ADCY9: variants seen among roughly 807,000 people sequenced by gnomAD.
The protein encoded by ADCY9 is adenylate cyclase 9, also known as adenylate cyclase type 9.
ADCY9 carries 50 observed loss-of-function variants against 101.5 expected under a neutral mutation model. The ratio of observed to expected loss-of-function variants is 0.49; its 90% CI spans 0.39 to 0.62. The LOEUF (loss-of-function observed/expected upper bound fraction) is 0.62. ADCY9 is among the 20% of genes least tolerant of loss of function. The pLI, the probability that ADCY9 is intolerant of heterozygous loss-of-function variation, is 0.00. For missense variants in ADCY9, 1,662 were observed against 1,800.4 expected, an observed-to-expected ratio of 0.92 and a Z score of 1.39; for synonymous variants, 905 against 769.3, an observed-to-expected ratio of 1.18 and a Z score of -2.92.
chr16:4,013,971 A>G (rs2056420757), intron 2 of ADCY9, among the ~76,000 whole-genome samples: 1 of 152,198 alleles, frequency 6.6e-6, no homozygotes, highest in African/African-American at 2.4e-5. Context: ...TTGATGATAA[A>G]TCTCAAGTTC....
Position 3,965,482 on chromosome 16 carries a change from G to T in ADCY9, c.*293C>A, listed in dbSNP as rs554167806. Reference sequence around the variant, plus strand: ...ACCCAAAGCCATGATCTCCACTGGCGGCCTCTGTCCCGAGACTCGAGGCCG... The same window carrying T: ...ACCCAAAGCCATGATCTCCACTGGCTGCCTCTGTCCCGAGACTCGAGGCCG... On this transcript the variant is annotated 3_prime_UTR_variant, in exon 11 of 11. Transcript: ENST00000294016. 2 of 438,282 alleles carry T rather than the reference G, an allele frequency of 4.6e-6. No homozygotes were observed. The highest frequency in any genetic ancestry group is 4.6e-5 in the South Asian group (1 of 21,720). The allele number at this position is 438,282 out of a possible 1,614,324, so 27.1% of individuals were successfully genotyped here. A position where few individuals can be genotyped will look rare whatever the true frequency, so the allele number is the denominator to read the frequency against.
chr16:3,997,892 A>C (rs967258274), intron 3 of ADCY9, among the ~76,000 whole-genome samples: 2 of 151,614 alleles, frequency 1.3e-5, no homozygotes, highest in Admixed American at 1.3e-4. Context: ...TCAGGAGTTT[A>C]AGACCAGCCT....
intron 2 of ADCY9, among the ~76,000 whole-genome samples, chr16:4,015,065 G>C (rs866962876): frequency 6.9e-6 from 1 of 144,958 alleles, no homozygotes; most frequent in Non-Finnish European, 1.5e-5. Context: ...TCAGCCTCCC[G>C]AGCAGCTGGG....
intron 2 of ADCY9, among the ~76,000 whole-genome samples, chr16:4,024,049 G>A (rs375526940): frequency 1.3e-5 from 2 of 151,584 alleles, no homozygotes; most frequent in African/African-American, 2.4e-5. Flanking sequence ...TTGAGACTGA[G>A]TCTTGCTCTG....
At chr16:3,984,658 G>C (rs2056175245) in intron 6 of ADCY9, among the ~76,000 whole-genome samples, 1 of 152,226 alleles carries the variant, frequency 6.6e-6, no homozygotes, top group South Asian at 2.1e-4. Flanking sequence ...CTAGAGGAAG[G>C]TGTAGGATCC....
chr16:3,957,021 G>T (rs1324235697), intron 5 of ADCY9, among the ~76,000 whole-genome samples: 1 of 152,270 alleles, frequency 6.6e-6, no homozygotes, highest in Middle Eastern at 3.4e-3. Flanking sequence ...GGAGGGAGAA[G>T]GGGGAAAATA....
chr16:4,053,176 G>A (rs920209969), intron 2 of ADCY9, among the ~76,000 whole-genome samples: 1 of 152,112 alleles, frequency 6.6e-6, no homozygotes, highest in Non-Finnish European at 1.5e-5. Flanking sequence ...CGCATCACAC[G>A]CACATACACC....
At chr16:4,031,599 G>A (rs565901555) in intron 2 of ADCY9, among the ~76,000 whole-genome samples, 4 of 152,130 alleles carry the variant, frequency 2.6e-5, no homozygotes, top group Non-Finnish European at 4.4e-5. Flanking sequence ...GAAAAGTTGC[G>A]AAGGCCAGGC....
At chr16:4,012,863 G>A (rs1455332822) in intron 2 of ADCY9, among the ~76,000 whole-genome samples, 1 of 152,142 alleles carries the variant, frequency 6.6e-6, no homozygotes, top group Non-Finnish European at 1.5e-5. Flanking sequence ...CCCATTTCTG[G>A]CCTCATTTGT....
intron 2 of ADCY9, among the ~76,000 whole-genome samples, chr16:4,010,654 A>G (rs1272451400): frequency 6.6e-6 from 1 of 152,142 alleles, no homozygotes; most frequent in Non-Finnish European, 1.5e-5. Context: ...AGGTATGACT[A>G]TGGTCAGGCG....
At chr16:4,090,335 T>A (rs1031346955) in intron 2 of ADCY9, among the ~76,000 whole-genome samples, 3 of 152,168 alleles carry the variant, frequency 2.0e-5, no homozygotes, top group Non-Finnish European at 4.4e-5. Context: ...TGTGTTCCTC[T>A]TCTATCCTAA....
At chr16:4,086,636 C>G (rs759822023) in intron 2 of ADCY9, among the ~76,000 whole-genome samples, 2 of 151,904 alleles carry the variant, frequency 1.3e-5, no homozygotes, top group Non-Finnish European at 2.9e-5. Flanking sequence ...ATAATTAGCT[C>G]AAAAAAATTG....
intron 7 of ADCY9, among the ~76,000 whole-genome samples, chr16:3,981,438 C>A (rs1478235267): frequency 1.3e-5 from 2 of 152,170 alleles, no homozygotes; most frequent in Non-Finnish European, 2.9e-5. Flanking sequence ...GGGGGAGTGA[C>A]TGCCCATGAG....
intron 2 of ADCY9, among the ~76,000 whole-genome samples, chr16:4,018,741 G>C (rs2056454947): frequency 6.6e-6 from 1 of 152,172 alleles, no homozygotes; most frequent in African/African-American, 2.4e-5. Flanking sequence ...GGCTGGGGCA[G>C]AGGCTGACAG....
chr16:4,024,122 G>A (rs973221216), intron 2 of ADCY9, among the ~76,000 whole-genome samples: 4 of 151,290 alleles, frequency 2.6e-5, no homozygotes, highest in Admixed American at 2.0e-4. Context: ...TCCTGGGTTC[G>A]AGTGATTCTC....
At chr16:4,075,354 G>T (rs1431380134) in intron 2 of ADCY9, among the ~76,000 whole-genome samples, 1 of 152,134 alleles carries the variant, frequency 6.6e-6, no homozygotes, top group Admixed American at 6.6e-5. Context: ...GGCCAGGCTA[G>T]TCTCGAACTC....
chr16:4,081,106 C>A (rs1012934473), intron 2 of ADCY9, among the ~76,000 whole-genome samples: 10 of 152,184 alleles, frequency 6.6e-5, no homozygotes, highest in African/African-American at 2.2e-4. Context: ...GACGAGCGTG[C>A]TCATGTGTGT....
chr16:3,974,497 C>T (rs1440676555), intron 10 of ADCY9, among the ~76,000 whole-genome samples, 172 bp downstream of exon 10: 1 of 152,138 alleles, frequency 6.6e-6, no homozygotes, highest in Non-Finnish European at 1.5e-5. Flanking sequence ...CCCCATTAGA[C>T]ATTATAACTA....
At chr16:4,111,819 TAA>T (rs61320659) in intron 2 of ADCY9, among the ~76,000 whole-genome samples, 2 of 140,808 alleles carry the variant, frequency 1.4e-5, no homozygotes, top group Non-Finnish European at 1.5e-5. Context: ...ATTTGAGGTT[TAA>T]AAAAAAAAAA....
Sources: gnomAD v4.1 joint callset for allele counts (sites outside exome capture counted in the v4.1 genomes callset) on GRCh38, gnomAD v4.1.1 for gene constraint, MANE v1.5 for transcripts, NCBI Gene and HGNC (gene_info 2026-07-23, HGNC 2026-07-21) for gene names.